The following ADGRV1 variants were observed in gnomAD, a reference collection of about 807,000 sequenced individuals.
The protein encoded by ADGRV1 is G-protein coupled receptor 98.
In ADGRV1, 359 loss-of-function variants were observed where a neutral mutation model predicts 596.2. The observed-to-expected ratio is 0.60, with a 90% confidence interval of 0.55 to 0.66. The LOEUF is 0.66. Ranked by LOEUF, ADGRV1 falls within the 30% of genes least tolerant of loss-of-function variation. The pLI is 0.00. For missense variants in ADGRV1, 7,274 were observed against 7,575.6 expected, an observed-to-expected ratio of 0.96 and a Z score of 1.48; for synonymous variants, 2,681 against 2,679.2, an observed-to-expected ratio of 1.00 and a Z score of -0.02.
At chr5:90,938,553 G>C (rs972399691) in intron 83 of ADGRV1, among the ~76,000 whole-genome samples, 5 of 152,118 alleles carry the variant, frequency 3.3e-5, no homozygotes, top group Non-Finnish European at 2.9e-5. Context: ...GTCTGGATAT[G>C]ATGGTGCTCC....
chr5:91,016,082 C>T (rs571362647), intron 85 of ADGRV1, among the ~76,000 whole-genome samples: 110 of 151,980 alleles, frequency 7.2e-4, no homozygotes, highest in African/African-American at 2.5e-3. Flanking sequence ...TCAACATTTG[C>T]TTATTTGAAA....
chr5:90,663,531 G>C (rs1446658695), intron 21 of ADGRV1, among the ~76,000 whole-genome samples: 8 of 151,620 alleles, frequency 5.3e-5, no homozygotes, highest in African/African-American at 1.7e-4. Context: ...CAGATGAGTA[G>C]GTTGCGAAAA....
In ADGRV1 at chr5:91,102,298, C is replaced by A. The variant is rs201649753; in HGVS notation, c.18390C>A (p.His6130Gln). ...GAGGACTACACATGGCCTACAGACA[C>A]TTCTGGATGTTGGTTCTCTTTGTCA... is the stretch of plus-strand genomic sequence containing the variant. ...LWGGLHMAYR[H>Q]FWMLVLFVIF... The change falls in exon 87 of 90, where the codon CAC becomes CAA. Residue 6130 changes from histidine to glutamine, a missense_variant. Physicochemically the swap from His to Gln is conservative, Grantham distance 24 (BLOSUM62 0). Around this residue, in one of 5 missense-constraint regions of ADGRV1, gnomAD observed 1,874 missense variants for 1,970.2 expected, o/e 0.95. Coordinates refer to ENST00000405460, the MANE Select transcript of ADGRV1 (RefSeq NM_032119.4). 6.2e-7 allele frequency: 1 copy of A among 1,608,294 alleles called. No individual in the cohort carries two copies.
At position 90,789,726 on chromosome 5, in the gene ADGRV1, G is replaced by T; in HGVS notation, c.13918G>T (p.Gly4640Ter). 6.4e-7 allele frequency: 1 copy of T among 1,557,260 alleles called. No homozygotes were observed. Among genetic ancestry groups the T allele is most frequent in the Non-Finnish European group, 8.7e-7 (1 of 1,147,388 alleles). Residue 4640 changes from glycine to a stop codon, truncating the protein, a stop_gained, in exon 69 of 90, where the codon GGA (glycine) becomes TGA (stop). Transcript: ENST00000405460. LOFTEE classifies it high-confidence loss of function. ...GATACAAGAGTTTGGTGACCCAAAT[G>T]GAGTTGTTCAGTTTGCTCCTGAAAC... Reference protein sequence around the residue: ...LTIQEFGDPNGVVQFAPETLS... With the variant: ...LTIQEFGDPN
intron 85 of ADGRV1, among the ~76,000 whole-genome samples, chr5:91,010,496 G>A (rs1029131551): frequency 1.3e-5 from 2 of 152,016 alleles, no homozygotes; most frequent in African/African-American, 4.8e-5. Context: ...GAGATATCAA[G>A]TTCTCATTTA....
intron 83 of ADGRV1, among the ~76,000 whole-genome samples, chr5:90,866,515 A>C (rs1263455015): frequency 5.9e-5 from 9 of 152,082 alleles, no homozygotes; most frequent in South Asian, 4.1e-4. Flanking sequence ...AAATTTATCG[A>C]TCTCTCTTTA....
At chr5:90,756,908 A>G in intron 56 of ADGRV1, 71 bp from the exon 57 acceptor site, 1 of 1,247,320 alleles carries the variant, frequency 8.0e-7, no homozygotes, top group Non-Finnish European at 1.1e-6. Flanking sequence ...AGTAGAAACA[A>G]TAACTTTAGA....
intron 84 of ADGRV1, among the ~76,000 whole-genome samples, chr5:90,977,509 A>G (rs1779712397): frequency 6.6e-6 from 1 of 152,180 alleles, no homozygotes; most frequent in South Asian, 2.1e-4. Flanking sequence ...TTTAACTTTA[A>G]AAGGCATTTC....
At chr5:90,863,920 T>C (rs953853342) in intron 83 of ADGRV1, 63 bp downstream of exon 83, 12 of 1,052,762 alleles carry the variant, frequency 1.1e-5, no homozygotes, top group African/African-American at 1.1e-4. Context: ...TCTTTGGTTC[T>C]TGAACTGAGT....
At chr5:90,749,016 C>G (rs1754960721) in intron 52 of ADGRV1, among the ~76,000 whole-genome samples, 1 of 152,132 alleles carries the variant, frequency 6.6e-6, no homozygotes, top group Non-Finnish European at 1.5e-5. Context: ...AGCTGGGCTT[C>G]CTGGGGTGAG....
In ADGRV1 at chr5:90,811,014, A is replaced by C; in HGVS notation, c.15754A>C (p.Thr5252Pro). The change falls in exon 74 of 90, where the codon ACT (threonine) becomes CCT (proline). Residue 5252 changes from threonine (T) to proline (P), a missense_variant. Thr to Pro is a conservative substitution (Grantham distance 38). Coordinates refer to ENST00000405460, the MANE Select transcript of ADGRV1 (RefSeq NM_032119.4). The part of the protein sequence containing the change: ...EVLIRRTGGF[T>P]GNVSITVKTF... ...TCTTATCCGAAGAACTGGTGGGTTT[A>C]CTGGCAATGTCAGCATAACAGTTAA... 6.2e-7 allele frequency: 1 copy of C among 1,614,038 alleles called. No individual in the cohort carries two copies. Among genetic ancestry groups the C allele is most frequent in the South Asian group, 1.1e-5 (1 of 91,080 alleles).
intron 29 of ADGRV1, 70 bp downstream of exon 29, chr5:90,686,065 T>A: frequency 2.2e-6 from 2 of 896,490 alleles, no homozygotes; most frequent in Non-Finnish European, 3.0e-6. Context: ...TATCCTTGAT[T>A]AACACAGCCT....
intron 85 of ADGRV1, among the ~76,000 whole-genome samples, chr5:90,993,359 A>T (rs1411010549): frequency 6.6e-6 from 1 of 151,812 alleles, no homozygotes; most frequent in African/African-American, 2.4e-5. Context: ...GGGTTTCACC[A>T]TATTGGCCAG....
intron 23 of ADGRV1, 187 bp downstream of exon 23, chr5:90,674,421 C>T: frequency 2.5e-6 from 1 of 407,134 alleles, no homozygotes; most frequent in Non-Finnish European, 4.3e-6. Context: ...ATATAAAGAT[C>T]AGTTTCCAAA....
intron 79 of ADGRV1, among the ~76,000 whole-genome samples, chr5:90,849,118 GAA>G (rs71964707): frequency 0.015 from 2,327 of 150,460 alleles, 63 homozygotes; most frequent in South Asian, 0.11. Context: ...ATTCTGAATA[GAA>G]AAAAAAAGAG....
intron 3 of ADGRV1, 64 bp downstream of exon 3, chr5:90,618,017 T>C (rs1763587104): frequency 7.8e-6 from 10 of 1,273,982 alleles, no homozygotes; most frequent in South Asian, 6.3e-5. Context: ...TAAAAATCTT[T>C]TAGTGCTTAA....
intron 1 of ADGRV1, among the ~76,000 whole-genome samples, chr5:90,605,369 C>T (rs1308427513): frequency 6.0e-5 from 9 of 150,004 alleles, no homozygotes; most frequent in African/African-American, 7.4e-5. Flanking sequence ...GAGCCAAGAT[C>T]GCGCCACTGC....
intron 83 of ADGRV1, among the ~76,000 whole-genome samples, chr5:90,871,466 G>A (rs1383428599): frequency 1.3e-5 from 2 of 152,108 alleles, no homozygotes; most frequent in Non-Finnish European, 2.9e-5. Flanking sequence ...ATAGTATCAT[G>A]GTCACAATAC....
In ADGRV1 at chr5:90,716,735, G is replaced by GT. The variant is rs1750159074; in HGVS notation, c.9447+7dup. 2 of 1,602,516 alleles carry GT rather than the reference G, an allele frequency of 1.2e-6. No individual in the cohort carries two copies. The highest frequency in any genetic ancestry group is 2.7e-5 in the African/African-American group (2 of 74,608). Reference sequence around the variant, plus strand: ...AAGAAGGTGTTCGATTCAAGGTACAGTAAGAAGCTTTAATGAGAATGGAAG... The same window carrying GT: ...AAGAAGGTGTTCGATTCAAGGTACAGTTAAGAAGCTTTAATGAGAATGGAAG... On this transcript the variant is annotated splice_region_variant and intron_variant, in intron 43 of 89. Transcript: ENST00000405460.
Sources: allele counts gnomAD v4.1 joint callset (sites outside exome capture counted in the v4.1 genomes callset), GRCh38; gene constraint gnomAD v4.1.1; regional missense constraint gnomAD v4.1.1; transcripts MANE v1.5; gene names NCBI Gene and HGNC (gene_info 2026-07-23, HGNC 2026-07-21).